The following GRID2 variants were observed in gnomAD, a reference collection of about 807,000 sequenced individuals.
GRID2 encodes the protein glutamate receptor ionotropic, delta-2.
A neutral mutation model predicts 114.8 loss-of-function variants in GRID2; 33 were observed. That is an observed-to-expected ratio of 0.29 (90% CI 0.22 to 0.38). GRID2 has a LOEUF of 0.38. GRID2 is among the 10% of genes least tolerant of loss of function. The pLI is 1.00. For synonymous variants in GRID2, 505 were observed against 449.9 expected, an observed-to-expected ratio of 1.12 and a Z score of -1.55; for missense variants, 1,184 against 1,257.7, an observed-to-expected ratio of 0.94 and a Z score of 0.89.
rs1391897165 is a variant in GRID2 at position 93,078,426 on chromosome 4, T to G, written c.245-6569T>G. On this transcript the variant is annotated intron_variant, in intron 2 of 15. Transcript: ENST00000282020. Reference sequence around the variant, plus strand: ...GTCTCACCCATTATACTCTTGCCTATTTTGGGCCATTTTGCACCCTGAGTA... The same window carrying G: ...GTCTCACCCATTATACTCTTGCCTAGTTTGGGCCATTTTGCACCCTGAGTA... Among the ~76,000 whole-genome samples the G allele has an allele frequency of 7.2e-5, 11 of 151,902 alleles. 1 individual carries two copies. The highest frequency in any genetic ancestry group is 1.5e-5 in the Non-Finnish European group (1 of 67,958).
chr4:93,055,294 G>A (rs1296408327), intron 2 of GRID2, among the ~76,000 whole-genome samples: 3 of 151,792 alleles, frequency 2.0e-5, no homozygotes, highest in African/African-American at 7.3e-5. Context: ...TAGCAGTGAT[G>A]AGGTTGCTAG....
At chr4:92,712,556 A>G (rs1735308462) in intron 2 of GRID2, among the ~76,000 whole-genome samples, 1 of 152,144 alleles carries the variant, frequency 6.6e-6, no homozygotes, top group Admixed American at 6.5e-5. Flanking sequence ...TTCCATATAT[A>G]GTATATAGAA....
At chr4:93,800,280 CTG>C (rs1243023932) in intron 1 of GRID2, among the ~76,000 whole-genome samples, 1 of 152,220 alleles carries the variant, frequency 6.6e-6, no homozygotes, top group Non-Finnish European at 1.5e-5. Flanking sequence ...TTCTTCAGAA[CTG>C]TGGCTTTCAC....
At chr4:92,366,799 GC>G (rs552244410) in intron 1 of GRID2, among the ~76,000 whole-genome samples, 153 of 151,936 alleles carry the variant, frequency 1.0e-3, no homozygotes, top group Middle Eastern at 3.4e-3. Context: ...AAAATCTCAG[GC>G]TACGATAACA....
At chr4:92,846,541 T>C (rs1395909124) in intron 2 of GRID2, among the ~76,000 whole-genome samples, 2 of 152,158 alleles carry the variant, frequency 1.3e-5, no homozygotes, top group African/African-American at 2.4e-5. Context: ...GCTTGATCTC[T>C]TCAGACCTTG....
chr4:92,502,123 C>T (rs892924701), intron 1 of GRID2, among the ~76,000 whole-genome samples: 2 of 151,916 alleles, frequency 1.3e-5, no homozygotes, highest in African/African-American at 4.8e-5. Flanking sequence ...AAATAAAAGA[C>T]TAAAAACCAA....
At chr4:93,801,858 C>T (rs139663445) in intron 1 of GRID2, among the ~76,000 whole-genome samples, 1 of 152,330 alleles carries the variant, frequency 6.6e-6, no homozygotes, top group African/African-American at 2.4e-5. Context: ...CATACAGACA[C>T]ATCTCAGGTT....
At chr4:93,629,489 G>T (rs993931428) in intron 14 of GRID2, among the ~76,000 whole-genome samples, 1 of 152,012 alleles carries the variant, frequency 6.6e-6, no homozygotes, top group African/African-American at 2.4e-5. Context: ...ATTTGCATTT[G>T]TTCCATTTTT....
At chr4:93,397,296 A>C (rs1162719781) in intron 9 of GRID2, among the ~76,000 whole-genome samples, 1 of 151,932 alleles carries the variant, frequency 6.6e-6, no homozygotes, top group Non-Finnish European at 1.5e-5. Context: ...CTTAAATGTG[A>C]ATTCGCTTCT....
intron 8 of GRID2, among the ~76,000 whole-genome samples, chr4:93,358,192 G>T (rs1761531410): frequency 6.6e-6 from 1 of 151,786 alleles, no homozygotes; most frequent in African/African-American, 2.4e-5. Context: ...TATATCCTCA[G>T]TAAGAAATTA....
intron 8 of GRID2, among the ~76,000 whole-genome samples, chr4:93,264,785 A>G (rs899307695): frequency 1.4e-5 from 2 of 143,802 alleles, no homozygotes; most frequent in African/African-American, 5.1e-5. Flanking sequence ...AATATATATA[A>G]TATATATTTA....
At chr4:92,960,949 C>T (rs567699482) in intron 2 of GRID2, among the ~76,000 whole-genome samples, 1 of 151,624 alleles carries the variant, frequency 6.6e-6, no homozygotes, top group African/African-American at 2.4e-5. Context: ...AGTGGTTGCT[C>T]TGAAGTTTGC....
At chr4:93,374,869 AC>A (rs1338470951) in intron 8 of GRID2, among the ~76,000 whole-genome samples, 13 of 152,274 alleles carry the variant, frequency 8.5e-5, no homozygotes, top group Non-Finnish European at 1.8e-4. Context: ...AGTAAATTTT[AC>A]TAGTTTCTTT....
intron 2 of GRID2, among the ~76,000 whole-genome samples, chr4:92,602,591 G>A (rs1005050637): frequency 3.3e-5 from 5 of 151,982 alleles, no homozygotes; most frequent in African/African-American, 1.2e-4. Flanking sequence ...ACCCACAGCC[G>A]GTATCATACT....
chr4:93,428,369 AT>A (rs1028484855), intron 10 of GRID2, among the ~76,000 whole-genome samples: 2 of 152,116 alleles, frequency 1.3e-5, no homozygotes, highest in African/African-American at 2.4e-5. Flanking sequence ...TATCTAAATT[AT>A]TTTTTTAAAA....
chr4:93,614,863 A>G (rs1201388572), intron 13 of GRID2, among the ~76,000 whole-genome samples: 4 of 152,260 alleles, frequency 2.6e-5, no homozygotes, highest in Non-Finnish European at 4.4e-5. Context: ...GTATTAAATA[A>G]CAACAGCAAT....
intron 4 of GRID2, among the ~76,000 whole-genome samples, chr4:93,124,056 T>C (rs1734041486): frequency 6.7e-6 from 1 of 148,226 alleles, no homozygotes; most frequent in Non-Finnish European, 1.5e-5. Flanking sequence ...TGTATACATA[T>C]GTAACTAACC....
In GRID2 at chr4:92,900,269, CT is replaced by C. The variant is rs371923111; in HGVS notation, c.245-184720del. Among the ~76,000 whole-genome samples the C allele has an allele frequency of 2.6e-3, 390 of 152,206 alleles. 4 individuals are homozygous for C. The highest frequency in any genetic ancestry group is 9.1e-3 in the African/African-American group (377 of 41,532). On this transcript the variant is annotated intron_variant, in intron 2 of 15. Transcript: ENST00000282020. ...AGACAATCATTTAACGTTTTATCTA[CT>C]TTTTTGTATAAATTTAGGGGGTACG... is the stretch of plus-strand genomic sequence containing the variant.
chr4:92,810,276 T>C (rs866537275), intron 2 of GRID2, among the ~76,000 whole-genome samples: 1 of 151,812 alleles, frequency 6.6e-6, no homozygotes, highest in Non-Finnish European at 1.5e-5. Context: ...ACGGAACCTA[T>C]CCTTAATTTA....
Sources: allele counts gnomAD v4.1 joint callset (sites outside exome capture counted in the v4.1 genomes callset), GRCh38; gene constraint gnomAD v4.1.1; transcripts MANE v1.5; gene names NCBI Gene and HGNC (gene_info 2026-07-23, HGNC 2026-07-21).